Variants in CPNE4 observed in about 807,000 individuals in gnomAD.
CPNE4 encodes the protein copine 4.
Under a neutral mutation model 67.9 loss-of-function variants are expected in CPNE4, and 25 were observed. That is an observed-to-expected ratio of 0.37 (90% confidence interval 0.27 to 0.51). The LOEUF (loss-of-function observed/expected upper bound fraction) is 0.51, where lower values mean the gene tolerates loss of function less well. CPNE4 is among the 20% of genes least tolerant of loss of function. The pLI, the probability that CPNE4 is intolerant of heterozygous loss-of-function variation, is 0.93. For synonymous variants in CPNE4, 242 were observed against 244.9 expected (o/e 0.99, Z 0.11); for missense variants, 464 against 690.8 (o/e 0.67, Z 3.68).
intron 1 of CPNE4, among the ~76,000 whole-genome samples, chr3:131,986,848 A>C (rs1293929606): frequency 4.0e-5 from 5 of 124,536 alleles, no homozygotes; most frequent in Non-Finnish European, 8.3e-5. Context: ...AAAAACAAAA[A>C]AAAACAAAAA....
At chr3:131,606,082 G>A (rs564861137) in intron 7 of CPNE4, among the ~76,000 whole-genome samples, 57 of 152,250 alleles carry the variant, frequency 3.7e-4, no homozygotes, top group Admixed American at 1.6e-3. Flanking sequence ...GCAACCTTCC[G>A]TTGGATCCCT....
chr3:131,591,949 A>G (rs148173515), intron 7 of CPNE4, among the ~76,000 whole-genome samples: 2 of 152,324 alleles, frequency 1.3e-5, no homozygotes, highest in Admixed American at 6.5e-5. Flanking sequence ...CCTCAAAACT[A>G]TCACAAGCCA....
chr3:131,717,862 T>TCCCTCCC (rs200414972), intron 3 of CPNE4, among the ~76,000 whole-genome samples: 1,928 of 5,388 alleles, frequency 0.36, 180 homozygotes, highest in Middle Eastern at 0.5. Context: ...CGCTCCCTCC[T>TCCCTCCC]TTCTTTCTTT....
intron 2 of CPNE4, among the ~76,000 whole-genome samples, chr3:131,789,852 C>T (rs1052995381): frequency 6.6e-6 from 1 of 152,148 alleles, no homozygotes; most frequent in Admixed American, 6.6e-5. Context: ...GAATTCTGCA[C>T]AAGCAACCTT....
At chr3:131,688,213 T>C (rs1468095640) in intron 5 of CPNE4, among the ~76,000 whole-genome samples, 1 of 152,164 alleles carries the variant, frequency 6.6e-6, no homozygotes, top group African/African-American at 2.4e-5. Flanking sequence ...TTCCTTCCCA[T>C]GCAACCAGGA....
chr3:131,668,378 C>T (rs931246481), intron 7 of CPNE4, among the ~76,000 whole-genome samples: 8 of 152,190 alleles, frequency 5.3e-5, no homozygotes, highest in African/African-American at 1.7e-4. Flanking sequence ...ACCCAGCTAA[C>T]ACTTTCCAGG....
At chr3:131,885,154 A>C (rs1583402301) in intron 2 of CPNE4, among the ~76,000 whole-genome samples, 3 of 152,250 alleles carry the variant, frequency 2.0e-5, no homozygotes, top group South Asian at 4.1e-4. Context: ...TAGTGATAGG[A>C]ACAATAAGGT....
At chr3:131,864,359 C>G (rs371228824) in intron 2 of CPNE4, among the ~76,000 whole-genome samples, 16 of 151,914 alleles carry the variant, frequency 1.1e-4, no homozygotes, top group African/African-American at 1.5e-4. Flanking sequence ...TCTTCCATTT[C>G]TTTGTATCCT....
chr3:131,796,182 T>G (rs115661129), intron 2 of CPNE4, among the ~76,000 whole-genome samples: 162 of 152,228 alleles, frequency 1.1e-3, no homozygotes, highest in African/African-American at 3.6e-3. Flanking sequence ...GAGCTATTTA[T>G]TTGCTCTTCC....
chr3:131,790,063 G>A (rs1422805582), intron 2 of CPNE4, among the ~76,000 whole-genome samples: 2 of 152,186 alleles, frequency 1.3e-5, no homozygotes, highest in African/African-American at 2.4e-5. Context: ...AAGGAGAATC[G>A]TGTTTCTTCT....
chr3:131,843,369 G>A (rs1269581411), intron 2 of CPNE4, among the ~76,000 whole-genome samples: 2 of 152,122 alleles, frequency 1.3e-5, no homozygotes, highest in Non-Finnish European at 2.9e-5. Flanking sequence ...TCACCCACAC[G>A]TATTATAGGA....
chr3:131,702,074 C>G (rs13317781), intron 3 of CPNE4, among the ~76,000 whole-genome samples: 1 of 151,748 alleles, frequency 6.6e-6, no homozygotes, highest in African/African-American at 2.4e-5. Context: ...GCAAGAAGTC[C>G]AGAGAACTTC....
At chr3:131,787,183 TGA>T (rs1383206370) in intron 2 of CPNE4, among the ~76,000 whole-genome samples, 1 of 152,208 alleles carries the variant, frequency 6.6e-6, no homozygotes, top group Non-Finnish European at 1.5e-5. Context: ...TTGGAAGGGC[TGA>T]TTTGCCAACT....
At chr3:131,884,791 C>T (rs111899753) in intron 2 of CPNE4, among the ~76,000 whole-genome samples, 19,809 of 152,112 alleles carry the variant, frequency 0.13, 1,731 homozygotes, top group Admixed American at 0.26. Context: ...TTCCTTTCCT[C>T]TCTTTGCCTG....
At chr3:131,894,193 A>G (rs935565896) in intron 2 of CPNE4, among the ~76,000 whole-genome samples, 5 of 151,938 alleles carry the variant, frequency 3.3e-5, no homozygotes, top group African/African-American at 7.2e-5. Flanking sequence ...ACAGACCAAT[A>G]ACAAGTGAAA....
At chr3:131,571,031 T>C (rs1277768648) in intron 10 of CPNE4, among the ~76,000 whole-genome samples, 1 of 152,064 alleles carries the variant, frequency 6.6e-6, no homozygotes, top group Non-Finnish European at 1.5e-5. Flanking sequence ...CTTTACCTTC[T>C]GTTTACACTC....
intron 9 of CPNE4, 62 bp from the exon 10 acceptor site, chr3:131,575,192 G>A: frequency 7.0e-7 from 1 of 1,433,206 alleles, no homozygotes; most frequent in Non-Finnish European, 9.8e-7. Context: ...TGATATATTG[G>A]AGGCCTAAAG....
chr3:131,556,067 C>T lies in CPNE4; in HGVS notation c.1062-516G>A, dbSNP rs182570071. Among the ~76,000 whole-genome samples, 81 of 152,052 alleles carry T rather than the reference C, an allele frequency of 5.3e-4. 1 individual carries two copies. Among genetic ancestry groups the T allele is most frequent in the African/African-American group, 1.7e-3 (71 of 41,500 alleles). ...AGTTCAAATACAGATAAGACTGAAT[C>T]GAAATGGATATTAAAAAGCAATGGG... On this transcript the variant is annotated intron_variant, in intron 11 of 15. Transcript: ENST00000429747.
intron 1 of CPNE4, among the ~76,000 whole-genome samples, chr3:131,914,830 G>T (rs544860745): frequency 2.6e-5 from 4 of 152,192 alleles, no homozygotes; most frequent in South Asian, 4.2e-4. Flanking sequence ...TACAAAATTA[G>T]CTGGGTGTGG....
Sources: allele counts gnomAD v4.1 joint callset (sites outside exome capture counted in the v4.1 genomes callset), GRCh38; gene constraint gnomAD v4.1.1; transcripts MANE v1.5; gene names NCBI Gene and HGNC (gene_info 2026-07-23, HGNC 2026-07-21).